The following CCDC112 variants were observed in gnomAD, a reference collection of about 807,000 sequenced individuals.
CCDC112 encodes coiled-coil domain-containing protein 112.
CCDC112 carries 40 observed loss-of-function variants against 66.3 expected under a neutral mutation model. The observed-to-expected ratio is 0.60, with a 90% CI of 0.47 to 0.79. The LOEUF (loss-of-function observed/expected upper bound fraction) is 0.79. Ranked by LOEUF, CCDC112 falls within the 30% of genes least tolerant of loss-of-function variation. The probability of loss-of-function intolerance (pLI) is 0.00; values close to 1 mark genes in which losing one functional copy is unlikely to be tolerated. For synonymous variants in CCDC112, 214 were observed against 197.2 expected, an observed-to-expected ratio of 1.09 and a Z score of -0.71; for missense variants, 659 against 603.8, an observed-to-expected ratio of 1.09 and a Z score of -0.96.
At position 115,275,587 on chromosome 5, in the gene CCDC112, C is replaced by T. The variant is rs878868741; in HGVS notation, c.547G>A (p.Glu183Lys). The T allele has an allele frequency of 6.3e-7, 1 of 1,578,986 alleles. No individual in the cohort carries two copies. The highest frequency in any genetic ancestry group is 1.1e-5 in the South Asian group (1 of 87,306). ...QRLIYEELIKEEKTTNNELSA... is the reference protein window; with the variant it reads ...QRLIYEELIKKEKTTNNELSA... ...AACTCATTATTAGTTGTCTTCTCTT[C>T]TTTAATTAGCTCTTCATATCTAAAA... Residue 183 changes from glutamate to lysine, a missense_variant, in exon 6 of 10, where the codon GAA becomes AAA. By Grantham distance (56) the Glu-to-Lys change is moderately conservative. Transcript: ENST00000379611.
At chr5:115,277,094 C>T (rs769990914) in intron 3 of CCDC112, 40 bp from the exon 4 acceptor site, 2 of 1,210,632 alleles carry the variant, frequency 1.7e-6, no homozygotes, top group Non-Finnish European at 2.4e-6. Flanking sequence ...AATTCTGTGA[C>T]AAATGTGGTT....
chr5:115,292,650 CTGTT>C (rs1358311728), intron 1 of CCDC112, among the ~76,000 whole-genome samples: 8 of 152,172 alleles, frequency 5.3e-5, no homozygotes, highest in Non-Finnish European at 1.2e-4. Context: ...TGTTTTGTTG[CTGTT>C]TGTTTGGTCA....
intron 1 of CCDC112, among the ~76,000 whole-genome samples, chr5:115,291,522 C>A (rs1419193595): frequency 6.6e-6 from 1 of 151,972 alleles, no homozygotes; most frequent in Non-Finnish European, 1.5e-5. Context: ...TAAAAATGTT[C>A]CTTCCTCCTC....
Position 115,271,635 on chromosome 5 carries a change from T to G in CCDC112, c.919-9A>C. 1 of 1,475,414 alleles carries G rather than the reference T, an allele frequency of 6.8e-7. No homozygotes were observed. The highest frequency in any genetic ancestry group is 9.0e-7 in the Non-Finnish European group (1 of 1,115,636). 91.4% of individuals were successfully genotyped at this position (1,475,414 alleles called of 1,614,324 possible). The stretch of plus-strand genomic sequence containing the variant: ...TTCCAAATCTGAATTGACTAAATGA[T>G]TTTTTTAAAAAAAGAAAGCAAGAGA... On this transcript the variant is annotated splice_polypyrimidine_tract_variant and intron_variant, in intron 6 of 9. Transcript: ENST00000379611.
At chr5:115,268,555 G>A (rs1019317217) in intron 9 of CCDC112, among the ~76,000 whole-genome samples, 41 of 151,654 alleles carry the variant, frequency 2.7e-4, no homozygotes, top group Middle Eastern at 6.8e-3. Context: ...ACAGGCGTAA[G>A]CCACTGCACC....
rs2127082838 is a variant in CCDC112, at chr5:115,296,448, T to C, written c.96A>G (p.Gly32=). The change falls in exon 1 of 10, where the codon GGA becomes GGG. Residue 32 remains glycine (G), a synonymous_variant. Transcript: ENST00000379611. ...TTACCTGTTGAGGCGCTGGCGTCGC[T>C]CCCACGCCGGTCCCGGTGGCCGCGC... ...GAGAATGTGV[G]ATPAPQQSDG... The C allele has an allele frequency of 1.3e-6, 2 of 1,562,948 alleles. No individual in the cohort carries two copies. Among genetic ancestry groups the C allele is most frequent in the East Asian group, 2.5e-5 (1 of 39,640 alleles).
At chr5:115,296,235 C>T in intron 1 of CCDC112, 192 bp downstream of exon 1, 1 of 1,285,668 alleles carries the variant, frequency 7.8e-7, no homozygotes, top group Non-Finnish European at 9.8e-7. Context: ...GACTCCGAAA[C>T]CACATGGAGG....
chr5:115,288,930 T>C, intron 1 of CCDC112: 1 of 443,534 alleles, frequency 2.3e-6, no homozygotes, highest in Non-Finnish European at 4.5e-6. Context: ...TTCCTCTGGA[T>C]TGTACAAGGA....
intron 1 of CCDC112, chr5:115,289,222 T>C (rs950708346): frequency 5.9e-6 from 1 of 170,162 alleles, no homozygotes; most frequent in Admixed American, 6.4e-5. Context: ...CTGCCTTTTT[T>C]GGCTTCATTT....
chr5:115,276,116 G>T, intron 4 of CCDC112, 47 bp from the exon 5 acceptor site: 4 of 1,318,402 alleles, frequency 3.0e-6, no homozygotes, highest in Non-Finnish European at 4.3e-6. Flanking sequence ...TTCCCATATG[G>T]CTAAAAGTTA....
At chr5:115,275,682 C>T (rs1383555193) in intron 5 of CCDC112, 76 bp from the exon 6 acceptor site, 14 of 1,057,080 alleles carry the variant, frequency 1.3e-5, no homozygotes, top group South Asian at 1.7e-5. Flanking sequence ...ATTTAAGATA[C>T]CTGACTCTTT....
chr5:115,275,153 G>A, intron 6 of CCDC112, 63 bp downstream of exon 6: 2 of 1,215,468 alleles, frequency 1.6e-6, no homozygotes, highest in Non-Finnish European at 2.3e-6. Context: ...GACATGTTAA[G>A]TGTTTAGTAC....
chr5:115,271,439 A>G lies in CCDC112; in HGVS notation c.1106T>C (p.Met369Thr), dbSNP rs769626465. The change falls in exon 7 of 10, where the codon ATG becomes ACG. Residue 369 changes from methionine (M) to threonine (T), a missense_variant. Coordinates refer to ENST00000379611, the MANE Select transcript of CCDC112 (RefSeq NM_001040440.3). ...EAWKKQKSIEMSMKCASQLKE... is the reference protein window; with the variant it reads ...EAWKKQKSIETSMKCASQLKE... ...TAACTGGGAAGCACATTTCATTGAC[A>G]TTTCTATACTTTTCTGTTTCTTCCA... The G allele has an allele frequency of 1.4e-4, 225 of 1,609,346 alleles. No homozygotes were observed. The highest frequency in any genetic ancestry group is 1.8e-4 in the Non-Finnish European group (213 of 1,179,106).
intron 1 of CCDC112, 78 bp downstream of exon 1, chr5:115,296,349 T>A (rs897177306): frequency 1.4e-6 from 2 of 1,443,946 alleles, no homozygotes; most frequent in Non-Finnish European, 1.8e-6. Flanking sequence ...CCGCCGGCGC[T>A]GCAGAGGGCA....
chr5:115,291,993 CTACT>C (rs1749952434), intron 1 of CCDC112, among the ~76,000 whole-genome samples: 1 of 152,104 alleles, frequency 6.6e-6, no homozygotes, highest in African/African-American at 2.4e-5. Flanking sequence ...TGAGTTTATT[CTACT>C]TAGAGTTCAT....
At position 115,272,263 on chromosome 5, in the gene CCDC112, C is replaced by G. The variant is rs1310731890; in HGVS notation, c.919-637G>C. Among the ~76,000 whole-genome samples, 6 of 152,152 alleles carry G rather than the reference C, an allele frequency of 3.9e-5. No homozygotes were observed. The East Asian group carries it at 1.2e-3, about 29-fold the overall frequency. On this transcript the variant is annotated intron_variant, in intron 6 of 9. Transcript: ENST00000379611. ...TTTTCATGGGCAACATCCCTTTCCT[C>G]TGATCATCTCATTTCTGCTTCCAAA...
At position 115,275,388 on chromosome 5, in the gene CCDC112, G is replaced by T; in HGVS notation, c.746C>A (p.Ala249Asp). Residue 249 changes from alanine (A) to aspartate (D), a missense_variant, in exon 6 of 10, where the codon GCC becomes GAC. Transcript: ENST00000379611. ...FLQQTGGRQGAWDDYDHQNFV... is the reference protein window; with the variant it reads ...FLQQTGGRQGDWDDYDHQNFV... ...GTTCTGGTGATCATAATCATCCCAG[G>T]CACCTTGTCGCCCTCCTGTTTGCTG... 1 of 1,613,860 alleles carries T rather than the reference G, an allele frequency of 6.2e-7. No individual in the cohort carries two copies. Among genetic ancestry groups the T allele is most frequent in the African/African-American group, 1.3e-5 (1 of 74,950 alleles).
chr5:115,271,629 A>G lies in CCDC112; in HGVS notation c.919-3T>C. On this transcript the variant is annotated splice_region_variant and splice_polypyrimidine_tract_variant and intron_variant, in intron 6 of 9. Coordinates refer to ENST00000379611, the MANE Select transcript of CCDC112 (RefSeq NM_001040440.3). ...TTAGTTTTCCAAATCTGAATTGACT[A>G]AATGATTTTTTTAAAAAAAGAAAGC... is the stretch of plus-strand genomic sequence containing the variant. 1 of 1,486,920 alleles carries G rather than the reference A, an allele frequency of 6.7e-7. No homozygotes were observed. Among genetic ancestry groups the G allele is most frequent in the Middle Eastern group, 1.8e-4 (1 of 5,518 alleles). 92.1% of individuals were successfully genotyped at this position (1,486,920 alleles called of 1,614,324 possible).
chr5:115,285,451 G>A (rs1267752589), intron 1 of CCDC112, among the ~76,000 whole-genome samples: 1 of 152,154 alleles, frequency 6.6e-6, no homozygotes. Context: ...CTTTAAGGAA[G>A]ATTGAAGCCA....
Sources: allele counts gnomAD v4.1 joint callset (sites outside exome capture counted in the v4.1 genomes callset), GRCh38; gene constraint gnomAD v4.1.1; transcripts MANE v1.5; gene names NCBI Gene and HGNC (gene_info 2026-07-23, HGNC 2026-07-21).